The following CCDC171 variants were observed in gnomAD, a reference collection of about 807,000 sequenced individuals.
CCDC171 encodes the protein coiled-coil domain-containing protein 171.
Under a neutral mutation model 168.2 loss-of-function variants are expected in CCDC171, and 177 were observed. That is an observed-to-expected ratio of 1.05 (90% CI 0.93 to 1.19). CCDC171 has a LOEUF of 1.19. CCDC171 is among the 50% of genes most tolerant of loss of function. The pLI, the probability that CCDC171 is intolerant of heterozygous loss-of-function variation, is 0.00. For synonymous variants in CCDC171, 687 were observed against 540.8 expected (o/e 1.27, Z -3.75); for missense variants, 1,991 against 1,539.0 (o/e 1.29, Z -4.91).
chr9:16,008,634 T>G (rs1025319949), intron 3 of CCDC171, among the ~76,000 whole-genome samples: 8 of 152,190 alleles, frequency 5.3e-5, no homozygotes, highest in African/African-American at 1.7e-4. Context: ...CATTTTGTAA[T>G]TCTTTCTGGC....
At chr9:15,650,853 T>G (rs2047457729) in intron 7 of CCDC171, among the ~76,000 whole-genome samples, 1 of 152,158 alleles carries the variant, frequency 6.6e-6, no homozygotes, top group South Asian at 2.1e-4. Flanking sequence ...CATTTCTATG[T>G]GTTAGGAATA....
intron 25 of CCDC171, chr9:15,922,182 A>G (rs964387427): frequency 9.9e-6 from 4 of 404,396 alleles, no homozygotes; most frequent in Non-Finnish European, 2.1e-5. Context: ...AATGCGAAAC[A>G]TTCCCCCAGG....
At chr9:15,717,178 G>A (rs991905921) in intron 11 of CCDC171, among the ~76,000 whole-genome samples, 1 of 152,164 alleles carries the variant, frequency 6.6e-6, no homozygotes, top group Non-Finnish European at 1.5e-5. Flanking sequence ...GTGCACTTGG[G>A]GAAGGGAGAG....
chr9:15,933,401 C>G (rs565623503), intron 25 of CCDC171, among the ~76,000 whole-genome samples: 85 of 151,472 alleles, frequency 5.6e-4, no homozygotes, highest in African/African-American at 1.9e-3. Context: ...TTTTTTCTTT[C>G]TTTTTCTTAG....
downstream of CCDC171, among the ~76,000 whole-genome samples, chr9:15,975,794 C>G (rs886668690): frequency 6.6e-6 from 1 of 152,096 alleles, no homozygotes; most frequent in Non-Finnish European, 1.5e-5. Flanking sequence ...AATGGCCGTA[C>G]GAGATGTTCA....
chr9:16,026,623 G>A (rs1016922867), intron 6 of CCDC171, among the ~76,000 whole-genome samples: 1 of 152,118 alleles, frequency 6.6e-6, no homozygotes, highest in Non-Finnish European at 1.5e-5. Flanking sequence ...CCAGTCCTGG[G>A]CTCCCACAGG....
intron 24 of CCDC171, among the ~76,000 whole-genome samples, chr9:15,890,106 G>A (rs991103459): frequency 6.6e-6 from 1 of 152,044 alleles, no homozygotes; most frequent in Non-Finnish European, 1.5e-5. Flanking sequence ...GTGACGTACT[G>A]AGCACCTACC....
chr9:15,941,007 G>T (rs1827654391), intron 25 of CCDC171, among the ~76,000 whole-genome samples: 1 of 151,880 alleles, frequency 6.6e-6, no homozygotes, highest in Non-Finnish European at 1.5e-5. Context: ...GTGCCTTCTG[G>T]TACTAAACAA....
intron 21 of CCDC171, among the ~76,000 whole-genome samples, chr9:15,823,225 A>G (rs543401430): frequency 4.6e-5 from 7 of 152,204 alleles, no homozygotes; most frequent in East Asian, 1.9e-4. Context: ...CCTAATGTTA[A>G]ATGACGAGAT....
intron 8 of CCDC171, among the ~76,000 whole-genome samples, chr9:15,660,932 C>T (rs1382292791): frequency 6.6e-6 from 1 of 152,128 alleles, no homozygotes; most frequent in Non-Finnish European, 1.5e-5. Flanking sequence ...ATTTACATTC[C>T]CACCAATAAT....
chr9:15,811,165 C>G (rs909649292), intron 21 of CCDC171, among the ~76,000 whole-genome samples: 3 of 152,196 alleles, frequency 2.0e-5, no homozygotes, highest in African/African-American at 7.2e-5. Flanking sequence ...TTCATTTAGG[C>G]AGAAACCTTT....
intron 3 of CCDC171, among the ~76,000 whole-genome samples, chr9:16,017,279 A>G (rs1342393255): frequency 6.6e-6 from 1 of 151,644 alleles, no homozygotes; most frequent in Non-Finnish European, 1.5e-5. Flanking sequence ...GTTTACATGT[A>G]TTGTCATTAT....
intron 24 of CCDC171, among the ~76,000 whole-genome samples, chr9:15,899,978 A>G (rs1313674022): frequency 1.3e-5 from 2 of 152,154 alleles, no homozygotes; most frequent in South Asian, 2.1e-4. Flanking sequence ...TAAAAGTTTC[A>G]TAGCTTTATG....
rs1831365448 is a variant in CCDC171, at chr9:15,971,634, T to C, written c.3779T>C (p.Leu1260Pro). ...ATAGGATCACGAGACCATTCAAATC[T>C]CTCCATTCCTTCAAGAGCTCCTCTT... ...QSIGSRDHSN[L>P]SIPSRAPLPA... The change falls in exon 26 of 26, where the codon CTC becomes CCC. Residue 1260 changes from leucine (L) to proline (P), a missense_variant. By Grantham distance (98) the Leu-to-Pro change is moderately conservative. Transcript: ENST00000380701. The C allele has an allele frequency of 6.2e-7, 1 of 1,613,412 alleles. No homozygotes were observed. The highest frequency in any genetic ancestry group is 8.5e-7 in the Non-Finnish European group (1 of 1,179,654).
intron 25 of CCDC171, among the ~76,000 whole-genome samples, chr9:15,950,787 T>A (rs2132460686): frequency 6.6e-6 from 1 of 151,592 alleles, no homozygotes; most frequent in African/African-American, 2.4e-5. Context: ...TAACCTTAAA[T>A]GTAAATGGAC....
upstream of CCDC171, among the ~76,000 whole-genome samples, chr9:16,039,167 A>G (rs546058884): frequency 2.0e-5 from 3 of 152,266 alleles, no homozygotes; most frequent in East Asian, 1.9e-4. Flanking sequence ...TTCCAGCTCA[A>G]TGAGGTTCAG....
chr9:15,964,611 C>T (rs1830625648), intron 25 of CCDC171, among the ~76,000 whole-genome samples: 1 of 151,996 alleles, frequency 6.6e-6, no homozygotes, highest in East Asian at 1.9e-4. Context: ...CAAAAGCCAC[C>T]TGGGAGAATT....
At chr9:15,986,164 A>G (rs1385075621) in intron 3 of CCDC171, among the ~76,000 whole-genome samples, 2 of 152,224 alleles carry the variant, frequency 1.3e-5, no homozygotes, top group Admixed American at 1.3e-4. Context: ...CAGTTCTAAA[A>G]CAGAAGAAGA....
intron 16 of CCDC171, among the ~76,000 whole-genome samples, chr9:15,730,836 T>C (rs2054106098): frequency 6.6e-6 from 1 of 152,026 alleles, no homozygotes; most frequent in South Asian, 2.1e-4. Flanking sequence ...TTTTCTAATA[T>C]TGAAGTAAAA....
Sources: gnomAD v4.1 joint callset for allele counts (sites outside exome capture counted in the v4.1 genomes callset) on GRCh38, gnomAD v4.1.1 for gene constraint, MANE v1.5 for transcripts, NCBI Gene and HGNC (gene_info 2026-07-23, HGNC 2026-07-21) for gene names.